The following CRCP variants were observed in gnomAD, a reference collection of about 807,000 sequenced individuals.
CRCP encodes the protein DNA-directed RNA polymerase III subunit RPC9.
CRCP carries 18 observed loss-of-function variants against 18.5 expected under a neutral mutation model. The observed-to-expected ratio is 0.97, with a 90% confidence interval of 0.67 to 1.44. CRCP has a LOEUF of 1.44. Among genes scored for constraint, CRCP ranks in the 40% most tolerant of loss-of-function variants. CRCP has a pLI of 0.00. For missense variants in CRCP, 130 were observed against 176.4 expected, an observed-to-expected ratio of 0.74 and a Z score of 1.49; for synonymous variants, 53 against 62.9, an observed-to-expected ratio of 0.84 and a Z score of 0.75.
chr7:66,151,570 C>G (rs567967751), intron 5 of CRCP, among the ~76,000 whole-genome samples: 2 of 150,678 alleles, frequency 1.3e-5, no homozygotes, highest in South Asian at 4.2e-4. Context: ...TCTGTCCTGC[C>G]CCCCCAAAAA....
chr7:66,134,161 C>G, intron 3 of CRCP, 119 bp from the exon 4 acceptor site: 1 of 802,258 alleles, frequency 1.2e-6, no homozygotes, highest in Non-Finnish European at 2.0e-6. Context: ...TGCCCAGCCT[C>G]TACAGGATTT....
chr7:66,149,041 C>A (rs372155439), intron 5 of CRCP, among the ~76,000 whole-genome samples: 78 of 152,274 alleles, frequency 5.1e-4, no homozygotes, highest in Middle Eastern at 6.8e-3. Context: ...GTCGGCAACC[C>A]GGTTTGATGC....
At chr7:66,131,912 C>A (rs1404154576) in intron 3 of CRCP, among the ~76,000 whole-genome samples, 1 of 151,976 alleles carries the variant, frequency 6.6e-6, no homozygotes, top group Admixed American at 6.6e-5. Flanking sequence ...CAGGCATGCA[C>A]CACCTTGCCC....
At chr7:66,132,754 C>G (rs1787846259) in intron 3 of CRCP, among the ~76,000 whole-genome samples, 1 of 151,830 alleles carries the variant, frequency 6.6e-6, no homozygotes, top group Non-Finnish European at 1.5e-5. Flanking sequence ...AGAAAAAATA[C>G]AAAAAATTAG....
chr7:66,124,755 T>G (rs902556419), intron 1 of CRCP, among the ~76,000 whole-genome samples: 1 of 126,714 alleles, frequency 7.9e-6, no homozygotes, highest in Non-Finnish European at 1.9e-5. Flanking sequence ...ACTGAACCAT[T>G]AGAGAGTTGT....
rs534708592 is a variant in CRCP at position 66,147,675 on chromosome 7, A to T, written c.297+2175A>T. On this transcript the variant is annotated intron_variant, in intron 5 of 5. Coordinates refer to ENST00000395326, the MANE Select transcript of CRCP (RefSeq NM_014478.5). ...AGTAGTTGGACCATTTTATAGCCAGATTCTTCCCACTCTGGAATTTGGCTA... is the reference window on the plus strand; with the variant it reads ...AGTAGTTGGACCATTTTATAGCCAGTTTCTTCCCACTCTGGAATTTGGCTA... Among the ~76,000 whole-genome samples the T allele has an allele frequency of 2.4e-4, 36 of 152,302 alleles. No homozygotes were observed. The South Asian group carries it at 7.5e-3, about 32-fold the overall frequency.
At chr7:66,120,826 A>G (rs995755245) in intron 1 of CRCP, 1 of 152,094 alleles carries the variant, frequency 6.6e-6, no homozygotes. Context: ...TGGTTCTGCA[A>G]GGCTCTCTGG....
chr7:66,122,550 C>T (rs6961717), intron 1 of CRCP, among the ~76,000 whole-genome samples: 90,037 of 151,868 alleles, frequency 0.59, 27,131 homozygotes, highest in African/African-American at 0.68. Flanking sequence ...CAAGAAGTGT[C>T]AAATGGAAAG....
chr7:66,135,590 A>G (rs1787948170), intron 4 of CRCP, among the ~76,000 whole-genome samples: 1 of 152,178 alleles, frequency 6.6e-6, no homozygotes, highest in South Asian at 2.1e-4. Context: ...TTACATATGT[A>G]TACATGTGCC....
At chr7:66,147,887 C>A (rs757024136) in intron 5 of CRCP, among the ~76,000 whole-genome samples, 1 of 151,932 alleles carries the variant, frequency 6.6e-6, no homozygotes, top group Non-Finnish European at 1.5e-5. Context: ...AGTAAGACCC[C>A]ATCTCTACAA....
Position 66,152,786 on chromosome 7 carries a change from G to A in CRCP, c.*429G>A, listed in dbSNP as rs1255106056. On this transcript the variant is annotated 3_prime_UTR_variant, in exon 6 of 6. Transcript: ENST00000395326. Reference sequence around the variant, plus strand: ...GAAGTCTGGTTAGAGTCCCCAGAGAGTTACTCTAAGTTAAAATGAGCCACT... The same window carrying A: ...GAAGTCTGGTTAGAGTCCCCAGAGAATTACTCTAAGTTAAAATGAGCCACT... 1.3e-5 allele frequency: 2 copies of A among 159,060 alleles called. No individual in the cohort carries two copies. The highest frequency in any genetic ancestry group is 4.8e-5 in the African/African-American group (2 of 41,546). The allele number at this position is 159,060 out of a possible 1,614,324, so 9.9% of individuals were successfully genotyped here.
intron 4 of CRCP, among the ~76,000 whole-genome samples, chr7:66,142,570 T>C (rs1301760072): frequency 2.0e-5 from 3 of 152,226 alleles, no homozygotes; most frequent in Admixed American, 6.5e-5. Context: ...CATAGCTCAC[T>C]GAAGCCTCAG....
At chr7:66,151,673 CTGTG>C (rs1223890806) in intron 5 of CRCP, among the ~76,000 whole-genome samples, 61,955 of 138,390 alleles carry the variant, frequency 0.45, 14,630 homozygotes, top group Non-Finnish European at 0.53. Flanking sequence ...CCACTTCTCT[CTGTG>C]TGTGTGTGTG....
At chr7:66,151,752 CT>C (rs1170961958) in intron 5 of CRCP, among the ~76,000 whole-genome samples, 20 of 38,330 alleles carry the variant, frequency 5.2e-4, no homozygotes, top group East Asian at 4.1e-3. Context: ...TTTTTCTTTT[CT>C]TTTTTTTTTT....
In CRCP at chr7:66,153,152, A is replaced by C. The variant is rs1173598332; in HGVS notation, c.*795A>C. On this transcript the variant is annotated 3_prime_UTR_variant, in exon 6 of 6. Transcript: ENST00000395326. ...TTGTTTGTTCCTTTAAAAAGGACAC[A>C]ATTAGCCTGGCACGGTGACTCATGC... is the stretch of plus-strand genomic sequence containing the variant. The C allele has an allele frequency of 6.5e-6, 1 of 152,696 alleles. No individual in the cohort carries two copies. The highest frequency in any genetic ancestry group is 1.5e-5 in the Non-Finnish European group (1 of 68,074). The allele number at this position is 152,696 out of a possible 1,614,324, so 9.5% of individuals were successfully genotyped here.
chr7:66,149,972 A>G (rs922672264), intron 5 of CRCP, among the ~76,000 whole-genome samples: 4 of 151,990 alleles, frequency 2.6e-5, no homozygotes, highest in Non-Finnish European at 5.9e-5. Flanking sequence ...ACGCCCAGCT[A>G]ATTTTTTGTA....
intron 5 of CRCP, 89 bp downstream of exon 5, chr7:66,145,589 T>G (rs1788270417): frequency 7.3e-7 from 1 of 1,376,562 alleles, no homozygotes; most frequent in Non-Finnish European, 1.0e-6. Context: ...TGCGTTTTTT[T>G]TAAGAGGCTG....
intron 4 of CRCP, among the ~76,000 whole-genome samples, chr7:66,141,106 G>A (rs910117374): frequency 2.0e-5 from 3 of 152,028 alleles, no homozygotes; most frequent in African/African-American, 4.8e-5. Flanking sequence ...AAGAGTTAAC[G>A]CTTCAGGCAG....
chr7:66,142,598 A>G lies in CRCP; in HGVS notation c.240-2845A>G, dbSNP rs118137368. On this transcript the variant is annotated intron_variant, in intron 4 of 5. Transcript: ENST00000395326. ...AGCCTCAGACTCCTGGGCTCAAGCA[A>G]TCCTGCCTCAGCCTCCTGAGTGGCT... 1.9e-4 allele frequency among the ~76,000 whole-genome samples: 29 copies of G among 152,256 alleles called. No individual in the cohort carries two copies. The East Asian group carries it at 5.6e-3, about 29-fold the overall frequency.
Sources: allele counts gnomAD v4.1 joint callset (sites outside exome capture counted in the v4.1 genomes callset), GRCh38; gene constraint gnomAD v4.1.1; transcripts MANE v1.5; gene names NCBI Gene and HGNC (gene_info 2026-07-23, HGNC 2026-07-21).